SLC9C1: variants seen among roughly 807,000 people sequenced by gnomAD.
SLC9C1 encodes sodium/hydrogen exchanger 10.
Under a neutral mutation model 140.9 loss-of-function variants are expected in SLC9C1, and 97 were observed. The ratio of observed to expected loss-of-function variants is 0.69; its 90% CI spans 0.58 to 0.82. SLC9C1 has a LOEUF of 0.82. Ranked by LOEUF, SLC9C1 falls within the 40% of genes least tolerant of loss-of-function variation. The probability of loss-of-function intolerance (pLI) is 0.00; values close to 1 mark genes in which losing one functional copy is unlikely to be tolerated. For missense variants in SLC9C1, 1,340 were observed against 1,389.3 expected, an observed-to-expected ratio of 0.96 and a Z score of 0.56; for synonymous variants, 440 against 442.6, an observed-to-expected ratio of 0.99 and a Z score of 0.07.
chr3:112,156,624 A>G (rs752200980), intron 26 of SLC9C1, among the ~76,000 whole-genome samples: 4 of 152,016 alleles, frequency 2.6e-5, no homozygotes, highest in Non-Finnish European at 4.4e-5. Context: ...TAATGGCTGT[A>G]CTACTTTACA....
intron 13 of SLC9C1, among the ~76,000 whole-genome samples, chr3:112,222,399 A>G (rs945609832): frequency 6.6e-6 from 1 of 152,200 alleles, no homozygotes; most frequent in African/African-American, 2.4e-5. Context: ...AGAACAGAGC[A>G]GAGAAATCCA....
At chr3:112,241,988 A>T (rs1011548811) in intron 11 of SLC9C1, among the ~76,000 whole-genome samples, 1 of 152,174 alleles carries the variant, frequency 6.6e-6, no homozygotes, top group Non-Finnish European at 1.5e-5. Flanking sequence ...CCTCAATTAT[A>T]AAAGTCCTAG....
intron 10 of SLC9C1, among the ~76,000 whole-genome samples, chr3:112,258,404 TTTTGTTTG>T (rs893640102): frequency 7.4e-6 from 1 of 135,922 alleles, no homozygotes; most frequent in Non-Finnish European, 1.7e-5. Context: ...GGGTGGGTTT[TTTTGTTTG>T]TTTGTTTGTT....
At position 112,242,921 on chromosome 3, in the gene SLC9C1, C is replaced by T. The variant is rs1297302223; in HGVS notation, c.1279+1074G>A. ...GCCAACAAACACATGAAAAAATGCT[C>T]ATCATCACTAATCATAAAAGAAATG... On this transcript the variant is annotated intron_variant, in intron 11 of 28. Transcript: ENST00000305815. 3.3e-5 allele frequency among the ~76,000 whole-genome samples: 5 copies of T among 152,244 alleles called. No individual in the cohort carries two copies. In the East Asian group the frequency reaches 7.7e-4, roughly 24 times the overall value.
chr3:112,236,734 G>T (rs1432979263), intron 12 of SLC9C1, among the ~76,000 whole-genome samples: 1 of 152,198 alleles, frequency 6.6e-6, no homozygotes, highest in African/African-American at 2.4e-5. Flanking sequence ...GTACCCAGTA[G>T]TCATTCAGGA....
At chr3:112,293,691 C>T (rs1168131390) in intron 1 of SLC9C1, among the ~76,000 whole-genome samples, 1 of 152,144 alleles carries the variant, frequency 6.6e-6, no homozygotes, top group Non-Finnish European at 1.5e-5. Context: ...TCCTAATGCC[C>T]CTCCACTCAG....
chr3:112,252,998 C>T (rs2076686587), intron 10 of SLC9C1, among the ~76,000 whole-genome samples: 1 of 152,100 alleles, frequency 6.6e-6, no homozygotes, highest in South Asian at 2.1e-4. Context: ...ATGATACCTT[C>T]AGGTCCTGGA....
At chr3:112,266,111 T>A in intron 8 of SLC9C1, 127 bp downstream of exon 8, 1 of 691,910 alleles carries the variant, frequency 1.4e-6, no homozygotes, top group Non-Finnish European at 2.4e-6. Flanking sequence ...CTAGGAAAGG[T>A]TTTTAGTTGG....
At chr3:112,165,229 A>G (rs2077099953) in intron 26 of SLC9C1, among the ~76,000 whole-genome samples, 1 of 151,978 alleles carries the variant, frequency 6.6e-6, no homozygotes, top group African/African-American at 2.4e-5. Flanking sequence ...TTCCTCCTTT[A>G]GCTCAGAGAT....
chr3:112,278,214 C>T (rs1258073681), intron 4 of SLC9C1, among the ~76,000 whole-genome samples: 5 of 152,120 alleles, frequency 3.3e-5, no homozygotes, highest in Non-Finnish European at 7.4e-5. Flanking sequence ...TTGAAAGAAA[C>T]GTACACCCTA....
chr3:112,162,587 A>G (rs1267048261), intron 26 of SLC9C1, among the ~76,000 whole-genome samples: 2 of 152,208 alleles, frequency 1.3e-5, no homozygotes, highest in Non-Finnish European at 1.5e-5. Flanking sequence ...TGATTTGCGT[A>G]TATTGAACCA....
Position 112,231,341 on chromosome 3 carries a change from A to G in SLC9C1, c.1572+20T>C. On this transcript the variant is annotated intron_variant, in intron 13 of 28. Coordinates refer to ENST00000305815, the MANE Select transcript of SLC9C1 (RefSeq NM_183061.3). ...ATAATTTTTGGCCAAACATAATTTCAAAAGAGAATAATACAGTACTATTTG... is the reference window on the plus strand; with the variant it reads ...ATAATTTTTGGCCAAACATAATTTCGAAAGAGAATAATACAGTACTATTTG... The G allele has an allele frequency of 6.2e-7, 1 of 1,609,212 alleles. No homozygotes were observed. Among genetic ancestry groups the G allele is most frequent in the Non-Finnish European group, 8.5e-7 (1 of 1,178,568 alleles).
intron 13 of SLC9C1, among the ~76,000 whole-genome samples, chr3:112,225,698 G>A (rs924067184): frequency 2.0e-5 from 3 of 152,010 alleles, no homozygotes; most frequent in East Asian, 1.9e-4. Context: ...CTGTAAAGAC[G>A]CCCACAGACT....
intron 22 of SLC9C1, 148 bp from the exon 23 acceptor site, chr3:112,179,849 AATT>A: frequency 1.6e-6 from 1 of 638,694 alleles, no homozygotes. Context: ...TTTTAAGTAA[AATT>A]ATTAAATTAG....
intron 10 of SLC9C1, among the ~76,000 whole-genome samples, chr3:112,252,377 C>T (rs1190844455): frequency 6.6e-6 from 1 of 152,186 alleles, no homozygotes; most frequent in East Asian, 1.9e-4. Context: ...AGTTTCCAAC[C>T]TCCCTGGGAT....
At chr3:112,218,050 C>T (rs1426673451) in intron 14 of SLC9C1, among the ~76,000 whole-genome samples, 2 of 152,116 alleles carry the variant, frequency 1.3e-5, no homozygotes, top group Non-Finnish European at 2.9e-5. Flanking sequence ...ACCTTCAAAG[C>T]AGATAGTAAG....
At chr3:112,266,802 T>G (rs1283708133) in intron 7 of SLC9C1, among the ~76,000 whole-genome samples, 1 of 152,228 alleles carries the variant, frequency 6.6e-6, no homozygotes. Context: ...CATTCATACT[T>G]CGACTATTTC....
In SLC9C1 at chr3:112,278,875, T is replaced by C; in HGVS notation, c.190-18A>G. 1 of 1,595,620 alleles carries C rather than the reference T, an allele frequency of 6.3e-7. No individual in the cohort carries two copies. The highest frequency in any genetic ancestry group is 8.5e-7 in the Non-Finnish European group (1 of 1,173,878). ...CTTTGGACCTAATATTATACAAATA[T>C]ATCATCTTCTCATTTATTCATCACT... is the stretch of plus-strand genomic sequence containing the variant. On this transcript the variant is annotated intron_variant, in intron 3 of 28. Coordinates refer to ENST00000305815, the MANE Select transcript of SLC9C1 (RefSeq NM_183061.3).
rs1447506593 is a variant in SLC9C1 at position 112,233,069 on chromosome 3, T to A, written c.1447-1583A>T. Among the ~76,000 whole-genome samples the A allele has an allele frequency of 1.3e-3, 30 of 22,788 alleles. 1 individual carries two copies. The highest frequency in any genetic ancestry group is 6.0e-3 in the Admixed American group (9 of 1,508). The allele number at this position is 22,788 out of a possible 152,430, so 14.9% of individuals were successfully genotyped here. On this transcript the variant is annotated intron_variant, in intron 12 of 28. Coordinates refer to ENST00000305815, the MANE Select transcript of SLC9C1 (RefSeq NM_183061.3). ...CACACACATATATATATATATATAT[T>A]ATATTTTTTTTTTTTTTAAGAAAGG... is the stretch of plus-strand genomic sequence containing the variant.
Sources: allele counts gnomAD v4.1 joint callset (sites outside exome capture counted in the v4.1 genomes callset), GRCh38; gene constraint gnomAD v4.1.1; transcripts MANE v1.5; gene names NCBI Gene and HGNC (gene_info 2026-07-23, HGNC 2026-07-21).